The following PVT1 variants were observed in gnomAD, a reference collection of about 807,000 sequenced individuals.
The protein encoded by PVT1 is Pvt1 oncogene.
chr8:128,058,378 ATGTGTGTGTGTGTGTG>A (rs3041914), intron 4 of PVT1, among the ~76,000 whole-genome samples: 1 of 146,578 alleles, frequency 6.8e-6, no homozygotes, highest in South Asian at 2.2e-4. Flanking sequence ...AAACTGATGC[ATGTGTGTGTGTGTGTG>A]TGTGTGTGTG....
chr8:127,799,360 A>G (rs1814436315), intron 2 of PVT1, among the ~76,000 whole-genome samples: 2 of 152,246 alleles, frequency 1.3e-5, no homozygotes, highest in Admixed American at 1.3e-4. Flanking sequence ...GAAGTTTGAG[A>G]CCAGCCTGGG....
At chr8:127,915,168 A>G (rs2129853965) in intron 3 of PVT1, among the ~76,000 whole-genome samples, 1 of 152,122 alleles carries the variant, frequency 6.6e-6, no homozygotes, top group Non-Finnish European at 1.5e-5. Flanking sequence ...AATGTTTTGG[A>G]ACCAGATAGA....
chr8:127,803,925 T>A (rs1814498205), intron 2 of PVT1, among the ~76,000 whole-genome samples: 1 of 152,098 alleles, frequency 6.6e-6, no homozygotes, highest in African/African-American at 2.4e-5. Flanking sequence ...TTCACCATGT[T>A]GGTCAGGCTG....
intron 2 of PVT1, among the ~76,000 whole-genome samples, chr8:127,865,283 C>T (rs142759087): frequency 8.7e-4 from 133 of 152,206 alleles, no homozygotes; most frequent in Non-Finnish European, 1.5e-3. Flanking sequence ...AGATATTGAA[C>T]GGCAGCCTGA....
intron 4 of PVT1, among the ~76,000 whole-genome samples, chr8:128,003,911 G>A (rs991808841): frequency 1.3e-5 from 2 of 152,202 alleles, no homozygotes; most frequent in African/African-American, 4.8e-5. Context: ...TAGAGGCTGG[G>A]AAGTCCAAGG....
At chr8:128,056,443 A>G (rs1413939073) in intron 4 of PVT1, among the ~76,000 whole-genome samples, 1 of 152,228 alleles carries the variant, frequency 6.6e-6, no homozygotes, top group African/African-American at 2.4e-5. Flanking sequence ...CATTGCGTGT[A>G]TACATAAAAT....
intron 2 of PVT1, among the ~76,000 whole-genome samples, chr8:127,820,991 G>T (rs890611102): frequency 3.3e-5 from 5 of 152,192 alleles, no homozygotes; most frequent in Non-Finnish European, 1.5e-5. Context: ...TTACAGACAT[G>T]AGCCACTGCG....
chr8:128,047,000 A>T (rs1813622995), intron 4 of PVT1, among the ~76,000 whole-genome samples: 1 of 152,126 alleles, frequency 6.6e-6, no homozygotes, highest in South Asian at 2.1e-4. Context: ...CATGAACAGG[A>T]TGTCCTCTTG....
chr8:127,872,257 TA>T (rs1815359304), intron 2 of PVT1, among the ~76,000 whole-genome samples: 1 of 150,916 alleles, frequency 6.6e-6, no homozygotes, highest in South Asian at 2.1e-4. Flanking sequence ...CCACTAAAAA[TA>T]CAAAAATAGC....
intron 3 of PVT1, chr8:127,960,643 G>T (rs762214875): frequency 1.9e-6 from 1 of 524,350 alleles, no homozygotes; most frequent in Non-Finnish European, 3.9e-6. Flanking sequence ...GAAGGCCTCT[G>T]CAGGGTTTGC....
At chr8:128,022,481 G>T (rs933897286) in intron 4 of PVT1, among the ~76,000 whole-genome samples, 1 of 152,196 alleles carries the variant, frequency 6.6e-6, no homozygotes, top group East Asian at 1.9e-4. Context: ...CTCCACCTGG[G>T]TCAGGAAGGC....
intron 5 of PVT1, among the ~76,000 whole-genome samples, chr8:128,076,606 T>G (rs1363295241): frequency 1.3e-5 from 2 of 152,250 alleles, no homozygotes; most frequent in African/African-American, 4.8e-5. Flanking sequence ...TCTAGCTGTG[T>G]GTTCTTAGGC....
At chr8:128,007,728 T>G (rs1817264114) in intron 4 of PVT1, among the ~76,000 whole-genome samples, 1 of 152,240 alleles carries the variant, frequency 6.6e-6, no homozygotes, top group African/African-American at 2.4e-5. Context: ...GAATGTGGGT[T>G]GTATGCATGA....
intron 4 of PVT1, among the ~76,000 whole-genome samples, chr8:128,051,275 A>G (rs1813692502): frequency 6.6e-6 from 1 of 152,214 alleles, no homozygotes; most frequent in African/African-American, 2.4e-5. Context: ...ATTGCATAAG[A>G]CATAGGTAGC....
rs377653572 is a variant in PVT1 at position 127,935,877 on chromosome 8, A to T, written n.782+44879A>T. Among the ~76,000 whole-genome samples, 11 of 152,144 alleles carry T rather than the reference A, an allele frequency of 7.2e-5. No individual in the cohort carries two copies. The South Asian group carries it at 2.3e-3, about 32-fold the overall frequency. On this transcript the variant is annotated intron_variant and non_coding_transcript_variant, in intron 3 of 10. Coordinates refer to ENST00000651587, the Ensembl canonical transcript of PVT1. ...TAGGGTGGATTTGGCCAAAAGCTGGAGTAACTGGTAGCTTCCTGATCTGAG... is the reference window on the plus strand; with the variant it reads ...TAGGGTGGATTTGGCCAAAAGCTGGTGTAACTGGTAGCTTCCTGATCTGAG...
chr8:127,989,195 A>G (rs1817002752), exon 4 of PVT1: 1 of 152,188 alleles, frequency 6.6e-6, no homozygotes, highest in South Asian at 2.1e-4. Context: ...GGCACTTTCA[A>G]TCTGAAAAAA....
intron 4 of PVT1, among the ~76,000 whole-genome samples, chr8:128,040,198 G>T (rs138825768): frequency 2.0e-3 from 312 of 152,338 alleles, no homozygotes; most frequent in African/African-American, 7.3e-3. Flanking sequence ...CGTTTTGAAT[G>T]AGGTTAACAT....
intron 2 of PVT1, among the ~76,000 whole-genome samples, chr8:127,863,136 G>A (rs896599495): frequency 1.3e-5 from 2 of 149,898 alleles, no homozygotes. Flanking sequence ...TTCCGAGACC[G>A]TGTCTTGCTC....
intron 2 of PVT1, among the ~76,000 whole-genome samples, chr8:127,885,414 G>A (rs998509595): frequency 2.0e-5 from 3 of 152,212 alleles, no homozygotes; most frequent in African/African-American, 4.8e-5. Flanking sequence ...TCATGGTTCT[G>A]GAGGTGGGGA....
Sources: gnomAD v4.1 joint callset for allele counts (sites outside exome capture counted in the v4.1 genomes callset) on GRCh38, gnomAD v4.1.1 for gene constraint, MANE v1.5 for transcripts, NCBI Gene and HGNC (gene_info 2026-07-23, HGNC 2026-07-21) for gene names.